The following CA2 variants were observed in gnomAD, a reference collection of about 807,000 sequenced individuals.
CA2 encodes the protein carbonic anhydrase 2.
Under a neutral mutation model 27.8 loss-of-function variants are expected in CA2, and 23 were observed. That is an observed-to-expected ratio of 0.83 (90% CI 0.59 to 1.17). CA2 has a LOEUF of 1.17. CA2 is among the 50% of genes most tolerant of loss of function. CA2 has a pLI of 0.00. For synonymous variants in CA2, 99 were observed against 114.9 expected (o/e 0.86, Z 0.88); for missense variants, 300 against 314.7 (o/e 0.95, Z 0.35).
At position 85,475,798 on chromosome 8, in the gene CA2, G is replaced by T. The variant is rs186437298; in HGVS notation, c.445G>T (p.Val149Phe). The T allele has an allele frequency of 6.2e-7, 1 of 1,613,644 alleles. No individual in the cohort carries two copies. Among genetic ancestry groups the T allele is most frequent in the Non-Finnish European group, 8.5e-7 (1 of 1,179,780 alleles). Residue 149 changes from valine (V) to phenylalanine (F), a missense_variant and splice_region_variant, in exon 5 of 7, where the codon GTT becomes TTT. Transcript: ENST00000285379. ...TCTTGCCCTTTATGTTTTTCTTTAG[G>T]TTGGCAGCGCTAAACCGGGCCTTCA... ...GLAVLGIFLK[V>F]GSAKPGLQKV...
chr8:85,476,641 A>T (rs774675240), intron 5 of CA2, among the ~76,000 whole-genome samples: 1 of 152,170 alleles, frequency 6.6e-6, no homozygotes, highest in Admixed American at 6.5e-5. Context: ...CCACCTTGTC[A>T]TTCTTCCAGT....
At chr8:85,475,077 G>A (rs2130560429) in intron 4 of CA2, among the ~76,000 whole-genome samples, 1 of 152,226 alleles carries the variant, frequency 6.6e-6, no homozygotes, top group East Asian at 1.9e-4. Flanking sequence ...GGACACCAAG[G>A]CAGGAGGATA....
chr8:85,467,524 T>C (rs1700708131), intron 2 of CA2, among the ~76,000 whole-genome samples: 1 of 152,246 alleles, frequency 6.6e-6, no homozygotes, highest in Non-Finnish European at 1.5e-5. Context: ...GTTAGACCAT[T>C]GCTGTAGATG....
At chr8:85,479,745 G>T (rs903774141) in intron 6 of CA2, among the ~76,000 whole-genome samples, 2 of 152,116 alleles carry the variant, frequency 1.3e-5, no homozygotes, top group Non-Finnish European at 2.9e-5. Flanking sequence ...TATGTAGGGT[G>T]GTGAGCACTC....
chr8:85,475,646 G>T (rs1476459054), intron 4 of CA2, 152 bp from the exon 5 acceptor site: 1 of 715,332 alleles, frequency 1.4e-6, no homozygotes, highest in East Asian at 2.7e-5. Flanking sequence ...TGGTGTCAGT[G>T]TCATCAAGCC....
chr8:85,473,652 C>T (rs778661371), intron 2 of CA2, 41 bp from the exon 3 acceptor site: 3 of 937,598 alleles, frequency 3.2e-6, no homozygotes, highest in African/African-American at 3.3e-5. Flanking sequence ...TATGCAGATA[C>T]ATACATATAT....
chr8:85,475,096 C>T (rs188409831), intron 4 of CA2, among the ~76,000 whole-genome samples: 4 of 152,086 alleles, frequency 2.6e-5, no homozygotes, highest in African/African-American at 9.6e-5. Context: ...TAGTTTGAGG[C>T]CAGGAGCTCA....
At chr8:85,465,523 T>A in intron 2 of CA2, 54 bp downstream of exon 2, 1 of 1,429,178 alleles carries the variant, frequency 7.0e-7, no homozygotes, top group Non-Finnish European at 9.7e-7. Context: ...TTTTCCGAGC[T>A]TAATGGAAGG....
chr8:85,470,494 G>A (rs540564758), intron 2 of CA2, among the ~76,000 whole-genome samples: 3 of 151,992 alleles, frequency 2.0e-5, no homozygotes, highest in South Asian at 2.1e-4. Context: ...CATTCATTAC[G>A]GTCTTTAGTC....
At chr8:85,464,180 AGCCCGGATGCCG>A (rs1811580982) in intron 1 of CA2, 65 bp downstream of exon 1, 1 of 1,434,716 alleles carries the variant, frequency 7.0e-7, no homozygotes, top group African/African-American at 1.5e-5. Flanking sequence ...CCGATCCCCG[AGCCCGGATGCCG>A]GCCCGGGGCC....
intron 5 of CA2, among the ~76,000 whole-genome samples, chr8:85,476,634 C>A (rs190760155): frequency 6.6e-6 from 1 of 152,328 alleles, no homozygotes; most frequent in Admixed American, 6.5e-5. Context: ...TTTGCCACCA[C>A]CTTGTCATTC....
At chr8:85,470,926 G>C (rs1044563529) in intron 2 of CA2, among the ~76,000 whole-genome samples, 1 of 151,960 alleles carries the variant, frequency 6.6e-6, no homozygotes, top group Non-Finnish European at 1.5e-5. Flanking sequence ...CCACTGCCAT[G>C]GCTGGATTTT....
intron 2 of CA2, among the ~76,000 whole-genome samples, chr8:85,466,173 T>C (rs551628758): frequency 0.022 from 2,812 of 130,006 alleles, 45 homozygotes; most frequent in Middle Eastern, 0.077. Context: ...AAAATCCTGC[T>C]TTTTTTTTTT....
chr8:85,473,822 C>CTT lies in CA2; in HGVS notation c.351+20_351+21dup. 12 of 1,292,222 alleles carry CTT rather than the reference C, an allele frequency of 9.3e-6. No individual in the cohort carries two copies. Among genetic ancestry groups the CTT allele is most frequent in the East Asian group, 2.4e-5 (1 of 40,886 alleles). 80.0% of individuals were successfully genotyped at this position (1,292,222 alleles called of 1,614,324 possible). A position where few individuals can be genotyped will look rare whatever the true frequency, so the allele number is the denominator to read the frequency against. On this transcript the variant is annotated intron_variant, in intron 3 of 6. Transcript: ENST00000285379. ...AAATATGCTGCAGAAGTAAGATATACTTTTTTTTTTCTTTCCAGGGAAAAA... is the reference window on the plus strand; with the variant it reads ...AAATATGCTGCAGAAGTAAGATATACTTTTTTTTTTTTCTTTCCAGGGAAAAA...
intron 2 of CA2, 167 bp from the exon 3 acceptor site, chr8:85,473,526 A>T: frequency 1.5e-6 from 1 of 688,230 alleles, no homozygotes; most frequent in South Asian, 1.5e-5. Context: ...GAATTTTCAG[A>T]GTAAAATGTG....
intron 3 of CA2, 159 bp downstream of exon 3, chr8:85,473,970 A>G: frequency 1.5e-6 from 1 of 652,172 alleles, no homozygotes; most frequent in South Asian, 1.8e-5. Flanking sequence ...TTTAATTGTG[A>G]CATCATACTT....
At chr8:85,479,319 ACT>A (rs1254750800) in intron 6 of CA2, among the ~76,000 whole-genome samples, 3 of 152,050 alleles carry the variant, frequency 2.0e-5, no homozygotes, top group Non-Finnish European at 4.4e-5. Context: ...TTATGAACAG[ACT>A]CTCTTTCAGA....
intron 2 of CA2, among the ~76,000 whole-genome samples, chr8:85,468,818 T>C (rs1586012727): frequency 7.0e-6 from 1 of 143,076 alleles, no homozygotes; most frequent in Non-Finnish European, 1.5e-5. Context: ...GTGGAAAAAC[T>C]CCCTTTAGAC....
Position 85,474,318 on chromosome 8 carries a change from C to G in CA2, c.352-6C>G. 6.2e-7 allele frequency: 1 copy of G among 1,611,054 alleles called. No homozygotes were observed. ...ACTCACTGTGGCTTTGTCTCTTCGG[C>G]CTTAGCTTCACTTGGTTCACTGGAA... is the stretch of plus-strand genomic sequence containing the variant. On this transcript the variant is annotated splice_region_variant and splice_polypyrimidine_tract_variant and intron_variant, in intron 3 of 6. Coordinates refer to ENST00000285379, the MANE Select transcript of CA2 (RefSeq NM_000067.3).
Sources: gnomAD v4.1 joint callset for allele counts (sites outside exome capture counted in the v4.1 genomes callset) on GRCh38, gnomAD v4.1.1 for gene constraint, MANE v1.5 for transcripts, NCBI Gene and HGNC (gene_info 2026-07-23, HGNC 2026-07-21) for gene names.